The following TSGA10 variants were observed in gnomAD, a reference collection of about 807,000 sequenced individuals.
TSGA10 encodes testis specific 10, also known as testis-specific gene 10 protein.
TSGA10 carries 43 observed loss-of-function variants against 96.6 expected under a neutral mutation model. The observed-to-expected ratio is 0.44, with a 90% CI of 0.35 to 0.57. TSGA10 has a LOEUF of 0.57. Ranked by LOEUF, TSGA10 falls within the 20% of genes least tolerant of loss-of-function variation. The pLI is 0.01. For synonymous variants in TSGA10, 229 were observed against 269.9 expected, an observed-to-expected ratio of 0.85 and a Z score of 1.48; for missense variants, 703 against 834.4, an observed-to-expected ratio of 0.84 and a Z score of 1.94.
intron 1 of TSGA10, among the ~76,000 whole-genome samples, chr2:99,127,633 C>A (rs576152151): frequency 6.6e-6 from 1 of 152,164 alleles, no homozygotes; most frequent in African/African-American, 2.4e-5. Context: ...GAAAAATTGG[C>A]AAAGAATGTG....
chr2:99,058,487 A>G (rs571738112), intron 16 of TSGA10, among the ~76,000 whole-genome samples: 1 of 152,276 alleles, frequency 6.6e-6, no homozygotes, highest in Non-Finnish European at 1.5e-5. Context: ...AAGAGAAGAA[A>G]TCAATGAAAT....
chr2:99,119,778 G>A lies in TSGA10; in HGVS notation c.-491-1092C>T, dbSNP rs767572667. Among the ~76,000 whole-genome samples, 6 of 152,134 alleles carry A rather than the reference G, an allele frequency of 3.9e-5. No homozygotes were observed. The East Asian group carries it at 5.8e-4, about 15-fold the overall frequency. ...AGAAACTAGGTACAATGATCTGTTC[G>A]TTATTGTCATCCCAGGCTTTCACTG... is the stretch of plus-strand genomic sequence containing the variant. On this transcript the variant is annotated intron_variant, in intron 2 of 20. Coordinates refer to ENST00000393483, the MANE Select transcript of TSGA10 (RefSeq NM_025244.4).
chr2:99,063,037 A>T (rs79468983), intron 16 of TSGA10, among the ~76,000 whole-genome samples: 1 of 152,336 alleles, frequency 6.6e-6, no homozygotes, highest in East Asian at 1.9e-4. Flanking sequence ...AATAGCTACA[A>T]GAGTGTGTTA....
chr2:99,116,059 T>C (rs2092238686), intron 4 of TSGA10, among the ~76,000 whole-genome samples: 1 of 152,170 alleles, frequency 6.6e-6, no homozygotes, highest in South Asian at 2.1e-4. Context: ...TTAATTGCTT[T>C]ATTATTTGCT....
At chr2:99,005,339 A>G (rs1346389546) in intron 20 of TSGA10, among the ~76,000 whole-genome samples, 3 of 152,232 alleles carry the variant, frequency 2.0e-5, no homozygotes, top group South Asian at 2.1e-4. Flanking sequence ...ATAGGAAAAG[A>G]GGAAGTCAAA....
At chr2:99,046,922 C>T (rs1209172124) in intron 16 of TSGA10, among the ~76,000 whole-genome samples, 1 of 152,096 alleles carries the variant, frequency 6.6e-6, no homozygotes, top group Non-Finnish European at 1.5e-5. Flanking sequence ...ATAGAAACTA[C>T]CATCAGAGAA....
At chr2:99,117,059 C>T (rs1559069107) in intron 4 of TSGA10, 1 of 152,166 alleles carries the variant, frequency 6.6e-6, no homozygotes, top group Non-Finnish European at 1.5e-5. Context: ...GCCATAAACA[C>T]GGAAGTGCAG....
intron 17 of TSGA10, 42 bp from the exon 18 acceptor site, chr2:99,020,524 T>C: frequency 7.0e-7 from 1 of 1,425,276 alleles, no homozygotes; most frequent in South Asian, 1.2e-5. Context: ...TTCCCATTAA[T>C]TCACTTAACT....
chr2:99,063,296 T>C (rs2104452351), intron 16 of TSGA10, among the ~76,000 whole-genome samples: 1 of 152,234 alleles, frequency 6.6e-6, no homozygotes, highest in Admixed American at 6.5e-5. Flanking sequence ...TAGGAAAATA[T>C]CTCTCTGGCC....
rs557657515 is a variant in TSGA10, at chr2:99,001,318, G to A, written c.2073-3097C>T. 1.3e-4 allele frequency among the ~76,000 whole-genome samples: 20 copies of A among 152,282 alleles called. No homozygotes were observed. The South Asian group carries it at 1.9e-3, about 14-fold the overall frequency. The stretch of plus-strand genomic sequence containing the variant: ...CAATATTTGCTGTTCTGCAGCCTCC[G>A]CTGGTGATACCGAGGCAAACAGGAT... On this transcript the variant is annotated intron_variant, in intron 20 of 20. Coordinates refer to ENST00000393483, the MANE Select transcript of TSGA10 (RefSeq NM_025244.4).
intron 2 of TSGA10, among the ~76,000 whole-genome samples, chr2:99,123,473 G>A (rs1356393945): frequency 6.6e-6 from 1 of 151,916 alleles, no homozygotes; most frequent in East Asian, 1.9e-4. Flanking sequence ...CCATTCTATT[G>A]AGAACATTGA....
At chr2:99,140,217 C>T (rs2093480714) in intron 1 of TSGA10, among the ~76,000 whole-genome samples, 1 of 152,162 alleles carries the variant, frequency 6.6e-6, no homozygotes, top group African/African-American at 2.4e-5. Flanking sequence ...GCTCATTAAT[C>T]AATTAAAATA....
At chr2:99,010,853 C>T (rs6724476) in intron 20 of TSGA10, among the ~76,000 whole-genome samples, 66,005 of 152,056 alleles carry the variant, frequency 0.43, 16,992 homozygotes, top group African/African-American at 0.72. Flanking sequence ...GGGTAGCTCA[C>T]GGCCTGGGGC....
intron 1 of TSGA10, among the ~76,000 whole-genome samples, chr2:99,134,500 A>G (rs1385896059): frequency 6.6e-6 from 1 of 152,102 alleles, no homozygotes; most frequent in African/African-American, 2.4e-5. Context: ...AAAGGTTCTT[A>G]GCTTCCTTGC....
chr2:99,128,141 T>C (rs370557466), intron 1 of TSGA10, among the ~76,000 whole-genome samples: 9 of 152,186 alleles, frequency 5.9e-5, no homozygotes, highest in African/African-American at 1.9e-4. Context: ...AAATCCTACC[T>C]AGGGAATTAC....
intron 10 of TSGA10, among the ~76,000 whole-genome samples, chr2:99,099,324 A>T (rs2090441436): frequency 6.6e-6 from 1 of 152,216 alleles, no homozygotes; most frequent in Non-Finnish European, 1.5e-5. Flanking sequence ...AAAATAATAA[A>T]AAATAAAATA....
chr2:99,077,172 G>T, intron 12 of TSGA10, among the ~76,000 whole-genome samples: 1 of 92,706 alleles, frequency 1.1e-5, no homozygotes, highest in African/African-American at 4.2e-5. Context: ...ACAGAGTCTT[G>T]CTCTGTCATG....
At chr2:99,067,709 C>T (rs982676579) in intron 15 of TSGA10, among the ~76,000 whole-genome samples, 28 of 151,884 alleles carry the variant, frequency 1.8e-4, no homozygotes, top group African/African-American at 6.8e-4. Context: ...AAAAATTAGC[C>T]GGGCATGGTT....
intron 20 of TSGA10, among the ~76,000 whole-genome samples, chr2:99,001,651 A>G (rs959900085): frequency 2.0e-5 from 3 of 152,214 alleles, no homozygotes; most frequent in Non-Finnish European, 2.9e-5. Context: ...AGTTGACAGA[A>G]GTAGACTTCA....
Sources: gnomAD v4.1 joint callset for allele counts (sites outside exome capture counted in the v4.1 genomes callset) on GRCh38, gnomAD v4.1.1 for gene constraint, MANE v1.5 for transcripts, NCBI Gene and HGNC (gene_info 2026-07-23, HGNC 2026-07-21) for gene names.